The following FAM186B variants were observed in gnomAD, a reference collection of about 807,000 sequenced individuals.
FAM186B encodes the protein family with sequence similarity 186 member B.
Under a neutral mutation model 83.4 loss-of-function variants are expected in FAM186B, and 68 were observed. The ratio of observed to expected loss-of-function variants is 0.81; its 90% confidence interval spans 0.67 to 1.00. The LOEUF (loss-of-function observed/expected upper bound fraction) is 1.00, where lower values mean the gene tolerates loss of function less well. Ranked by LOEUF, FAM186B falls within the 50% of genes least tolerant of loss-of-function variation. FAM186B has a pLI of 0.00. For synonymous variants in FAM186B, 389 were observed against 422.0 expected (o/e 0.92, Z 0.96); for missense variants, 983 against 1,099.2 (o/e 0.89, Z 1.49).
At chr12:49,602,855 T>C (rs937897310) in intron 3 of FAM186B, among the ~76,000 whole-genome samples, 4 of 152,188 alleles carry the variant, frequency 2.6e-5, no homozygotes, top group African/African-American at 9.7e-5. Flanking sequence ...GGAGTGAGAA[T>C]AGGATGGCCC....
the FAM186B span, among the ~76,000 whole-genome samples, chr12:49,618,925 C>G: frequency 1.3e-5 from 2 of 152,182 alleles, no homozygotes; most frequent in Non-Finnish European, 2.9e-5. Context: ...AGATAATAGC[C>G]ACTCACCAAG....
intron 4 of FAM186B, 142 bp downstream of exon 4, chr12:49,599,327 C>T (rs1193455266): frequency 1.6e-5 from 21 of 1,343,552 alleles, no homozygotes; most frequent in Non-Finnish European, 1.8e-5. Flanking sequence ...GCTTTCCAGG[C>T]CCCCACTCAG....
At chr12:49,608,190 T>TAA (rs112301367), upstream of FAM186B, among the ~76,000 whole-genome samples, 5 of 135,742 alleles carry the variant, frequency 3.7e-5, no homozygotes, top group South Asian at 2.5e-4. Flanking sequence ...CTTCATACCT[T>TAA]AAAAAAAAAA....
chr12:49,603,657 A>G (rs1329003647), intron 2 of FAM186B, among the ~76,000 whole-genome samples: 1 of 152,242 alleles, frequency 6.6e-6, no homozygotes, highest in Non-Finnish European at 1.5e-5. Flanking sequence ...GCAGGGAGGT[A>G]TCTGACTTGT....
At chr12:49,611,067 T>C in the FAM186B span, among the ~76,000 whole-genome samples, 18 of 150,690 alleles carry the variant, frequency 1.2e-4, 1 homozygote, top group East Asian at 3.3e-3. Context: ...TGGTGAAACG[T>C]TGTCTCTACT....
intron 5 of FAM186B, among the ~76,000 whole-genome samples, chr12:49,591,964 C>T (rs985158248): frequency 2.4e-4 from 36 of 152,060 alleles, no homozygotes; most frequent in African/African-American, 8.4e-4. Context: ...TTTTTTTCTC[C>T]GAATATTTTT....
chr12:49,607,498 C>A (rs1047631032), upstream of FAM186B, among the ~76,000 whole-genome samples: 2 of 152,010 alleles, frequency 1.3e-5, no homozygotes, highest in Non-Finnish European at 2.9e-5. Flanking sequence ...CTTTGAATAT[C>A]CGTAAATCTA....
chr12:49,594,702 C>T (rs1270958633), intron 5 of FAM186B, among the ~76,000 whole-genome samples: 2 of 152,034 alleles, frequency 1.3e-5, no homozygotes. Flanking sequence ...TGGTGAAAAC[C>T]CATCTCTACT....
intron 4 of FAM186B, 126 bp downstream of exon 4, chr12:49,599,343 C>T: frequency 2.9e-6 from 4 of 1,385,296 alleles, no homozygotes; most frequent in South Asian, 3.9e-5. Flanking sequence ...CTCAGGAGAC[C>T]CTGTCCAGGC....
chr12:49,599,958 G>T lies in FAM186B; in HGVS notation c.1682C>A (p.Thr561Lys). 6.2e-7 allele frequency: 1 copy of T among 1,613,946 alleles called. No individual in the cohort carries two copies. Among genetic ancestry groups the T allele is most frequent in the Non-Finnish European group, 8.5e-7 (1 of 1,179,962 alleles). Reference sequence around the variant, plus strand: ...CAAGTCCCTCCATCGACTGGTGGGTGTGAAGATCCTCCTCTCCACATCCTC... The same window carrying T: ...CAAGTCCCTCCATCGACTGGTGGGTTTGAAGATCCTCCTCTCCACATCCTC... ...LGEDVERRIF[T>K]PTSRWRDLEK... Residue 561 changes from threonine (T) to lysine (K), a missense_variant, in exon 4 of 7, where the codon ACA becomes AAA. Coordinates refer to ENST00000257894, the MANE Select transcript of FAM186B (RefSeq NM_032130.3).
At chr12:49,593,566 G>A (rs568405265) in intron 5 of FAM186B, among the ~76,000 whole-genome samples, 3 of 150,790 alleles carry the variant, frequency 2.0e-5, no homozygotes, top group African/African-American at 7.4e-5. Context: ...CCTGAGAGGT[G>A]GAGTTTGCAG....
the FAM186B span, among the ~76,000 whole-genome samples, chr12:49,616,555 A>C: frequency 6.6e-6 from 1 of 152,222 alleles, no homozygotes; most frequent in Non-Finnish European, 1.5e-5. Context: ...GGAATGAACT[A>C]CTGACACATG....
chr12:49,596,019 C>T (rs1262991943), intron 5 of FAM186B, among the ~76,000 whole-genome samples: 1 of 152,052 alleles, frequency 6.6e-6, no homozygotes, highest in African/African-American at 2.4e-5. Flanking sequence ...ACTAGAGCAG[C>T]GAAATGTGAC....
the FAM186B span, chr12:49,619,615 G>C: frequency 1.9e-6 from 1 of 513,994 alleles, no homozygotes; most frequent in Admixed American, 2.5e-5. Flanking sequence ...CTACACCGTA[G>C]AAGAAATGCT....
At chr12:49,610,919 A>C in the FAM186B span, among the ~76,000 whole-genome samples, 5 of 152,176 alleles carry the variant, frequency 3.3e-5, no homozygotes, top group Admixed American at 3.3e-4. Flanking sequence ...TAACCTAGTC[A>C]GACAAATATA....
chr12:49,614,712 T>G, the FAM186B span, among the ~76,000 whole-genome samples: 1 of 152,094 alleles, frequency 6.6e-6, no homozygotes, highest in Non-Finnish European at 1.5e-5. Context: ...AACCTGCACA[T>G]GTACCCCCTG....
intron 5 of FAM186B, among the ~76,000 whole-genome samples, chr12:49,593,761 G>A (rs1276745368): frequency 6.6e-6 from 1 of 150,690 alleles, no homozygotes; most frequent in Non-Finnish European, 1.5e-5. Flanking sequence ...TCGCTTAAGG[G>A]CAAGATTTGG....
intron 5 of FAM186B, chr12:49,595,043 A>G: frequency 4.5e-6 from 1 of 222,500 alleles, no homozygotes; most frequent in South Asian, 8.7e-5. Context: ...TGCTCACATT[A>G]TTGTTAGGAA....
chr12:49,614,956 G>A, the FAM186B span, among the ~76,000 whole-genome samples: 1 of 151,950 alleles, frequency 6.6e-6, no homozygotes, highest in Admixed American at 6.6e-5. Flanking sequence ...GTGAAACCCC[G>A]TCTCTACTAA....
Sources: gnomAD v4.1 joint callset for allele counts (sites outside exome capture counted in the v4.1 genomes callset) on GRCh38, gnomAD v4.1.1 for gene constraint, MANE v1.5 for transcripts, NCBI Gene and HGNC (gene_info 2026-07-23, HGNC 2026-07-21) for gene names.